The following HTR2C variants were observed in gnomAD, a reference collection of about 807,000 sequenced individuals.
HTR2C encodes 5-hydroxytryptamine (serotonin) receptor 2C, G protein-coupled.
HTR2C carries 5 observed loss-of-function variants against 21.0 expected under a neutral mutation model. The observed-to-expected ratio is 0.24, with a 90% CI of 0.12 to 0.50. The LOEUF (loss-of-function observed/expected upper bound fraction) is 0.50, where lower values mean the gene tolerates loss of function less well. Among genes scored for constraint, HTR2C ranks in the 20% least tolerant of loss-of-function variants. The probability of loss-of-function intolerance (pLI) is 0.98; values close to 1 mark genes in which losing one functional copy is unlikely to be tolerated. For missense variants in HTR2C, 271 were observed against 371.2 expected, an observed-to-expected ratio of 0.73 and a Z score of 2.22; for synonymous variants, 150 against 145.3, an observed-to-expected ratio of 1.03 and a Z score of -0.23.
At chrX:114,887,991 G>T (rs1250045747) in intron 5 of HTR2C, among the ~76,000 whole-genome samples, 2 of 110,809 alleles carry the variant, frequency 1.8e-5, no homozygotes, top group Non-Finnish European at 3.8e-5. Context: ...TCCAGCCTGG[G>T]CGACAGAGTG....
chrX:114,635,412 C>T (rs896588601), intron 2 of HTR2C, among the ~76,000 whole-genome samples: 2 of 111,344 alleles, frequency 1.8e-5, no homozygotes, highest in Non-Finnish European at 3.8e-5. Context: ...GGGATGAAGA[C>T]GAATATGGTC....
chrX:114,792,169 T>C (rs2070239928), intron 4 of HTR2C, among the ~76,000 whole-genome samples: 1 of 111,913 alleles, frequency 8.9e-6, no homozygotes, highest in Admixed American at 9.5e-5. Flanking sequence ...TGCAAGTTTG[T>C]TACATAGGTA....
At chrX:114,713,442 A>T (rs1056051228) in intron 2 of HTR2C, among the ~76,000 whole-genome samples, 2 of 111,384 alleles carry the variant, frequency 1.8e-5, no homozygotes, top group Non-Finnish European at 3.8e-5. Flanking sequence ...AAAACTGTAG[A>T]ACAACATGTT....
At chrX:114,848,674 A>G (rs2070892110) in intron 5 of HTR2C, among the ~76,000 whole-genome samples, 1 of 111,092 alleles carries the variant, frequency 9.0e-6, no homozygotes, top group African/African-American at 3.3e-5. Flanking sequence ...AATCATCATC[A>G]AGTAAATATG....
chrX:114,803,600 T>C (rs1347543770), intron 4 of HTR2C, among the ~76,000 whole-genome samples: 1 of 103,223 alleles, frequency 9.7e-6, no homozygotes, highest in East Asian at 3.1e-4. Flanking sequence ...TCTTGTAAAT[T>C]TGTTTGAGTT....
At chrX:114,837,570 A>T (rs1363401962) in intron 4 of HTR2C, among the ~76,000 whole-genome samples, 1 of 110,741 alleles carries the variant, frequency 9.0e-6, no homozygotes, top group Non-Finnish European at 1.9e-5. Context: ...TATCTCTGGC[A>T]CTTGTTCTTG....
At chrX:114,684,054 A>C (rs1177694480) in intron 2 of HTR2C, among the ~76,000 whole-genome samples, 1 of 112,163 alleles carries the variant, frequency 8.9e-6, no homozygotes, top group Non-Finnish European at 1.9e-5. Flanking sequence ...AATTAATATA[A>C]ATTCATAAAT....
At chrX:114,899,469 T>C (rs2071321142) in intron 5 of HTR2C, among the ~76,000 whole-genome samples, 1 of 111,403 alleles carries the variant, frequency 9.0e-6, no homozygotes, top group Non-Finnish European at 1.9e-5. Context: ...GCTGCTTTGC[T>C]GTGACTCCAC....
intron 4 of HTR2C, among the ~76,000 whole-genome samples, chrX:114,816,163 T>C (rs923547264): frequency 9.0e-6 from 1 of 110,827 alleles, no homozygotes; most frequent in Non-Finnish European, 1.9e-5. Context: ...TCCTACTTAC[T>C]AATATATAAA....
At chrX:114,875,159 G>A (rs2071123754) in intron 5 of HTR2C, among the ~76,000 whole-genome samples, 1 of 110,913 alleles carries the variant, frequency 9.0e-6, no homozygotes, top group South Asian at 3.9e-4. Flanking sequence ...TTTCTCTGGG[G>A]TCTTTTACGA....
At chrX:114,748,236 C>T (rs2069724451) in intron 4 of HTR2C, among the ~76,000 whole-genome samples, 1 of 111,555 alleles carries the variant, frequency 9.0e-6, no homozygotes, top group South Asian at 3.7e-4. Context: ...ATGCTGCAAA[C>T]TTCAAAATAC....
chrX:114,763,553 T>A (rs781831887), intron 4 of HTR2C, among the ~76,000 whole-genome samples: 15 of 111,588 alleles, frequency 1.3e-4, no homozygotes, highest in Non-Finnish European at 2.6e-4. Flanking sequence ...CTTATGGTTA[T>A]CATCCACAGG....
At chrX:114,786,263 G>C (rs926916055) in intron 4 of HTR2C, among the ~76,000 whole-genome samples, 1 of 111,691 alleles carries the variant, frequency 9.0e-6, no homozygotes, top group Non-Finnish European at 1.9e-5. Context: ...AAGCAATTTA[G>C]CATTATATAG....
intron 3 of HTR2C, among the ~76,000 whole-genome samples, chrX:114,728,461 A>G (rs2069504277): frequency 9.0e-6 from 1 of 111,286 alleles, no homozygotes. Flanking sequence ...AAAACTGAAG[A>G]ATAAAGGATT....
At chrX:114,896,935 G>A (rs1434484084) in intron 5 of HTR2C, among the ~76,000 whole-genome samples, 1 of 110,492 alleles carries the variant, frequency 9.1e-6, no homozygotes, top group Admixed American at 9.7e-5. Flanking sequence ...CTCTTTTCCT[G>A]CCTTCTCTTC....
At chrX:114,794,142 T>A (rs1158648253) in intron 4 of HTR2C, among the ~76,000 whole-genome samples, 1 of 111,021 alleles carries the variant, frequency 9.0e-6, no homozygotes, top group Non-Finnish European at 1.9e-5. Context: ...AGCAAAAGCT[T>A]AAGGAAGACT....
At chrX:114,737,750 C>T (rs2069605873) in intron 4 of HTR2C, among the ~76,000 whole-genome samples, 1 of 110,583 alleles carries the variant, frequency 9.0e-6, no homozygotes, top group African/African-American at 3.3e-5. Context: ...CAAAATTGAC[C>T]CCATGAGATG....
chrX:114,707,588 C>G (rs1394710251), intron 2 of HTR2C, among the ~76,000 whole-genome samples: 1 of 111,000 alleles, frequency 9.0e-6, no homozygotes, highest in Non-Finnish European at 1.9e-5. Context: ...GATGGTGCTA[C>G]AATTCAGCTT....
rs781855196 is a variant in HTR2C at position 114,683,134 on chromosome X, G to A, written c.-79-43724G>A. Among the ~76,000 whole-genome samples the A allele has an allele frequency of 1.8e-3, 199 of 111,692 alleles. 7 individuals are homozygous for A. In the South Asian group the frequency reaches 0.073, roughly 41 times the overall value. On this transcript the variant is annotated intron_variant, in intron 2 of 5. Transcript: ENST00000276198. ...AATGAAACACTTAAGCTTTGGAAAC[G>A]TAGACTGTTTTTAACTATTTTTAAT...
Sources: allele counts gnomAD v4.1 joint callset (sites outside exome capture counted in the v4.1 genomes callset), GRCh38; gene constraint gnomAD v4.1.1; transcripts MANE v1.5; gene names NCBI Gene and HGNC (gene_info 2026-07-23, HGNC 2026-07-21).